The following CNTRL variants were observed in gnomAD, a reference collection of about 807,000 sequenced individuals.
CNTRL encodes the protein 110 kDa centrosomal protein.
CNTRL carries 233 observed loss-of-function variants against 303.7 expected under a neutral mutation model. The observed-to-expected ratio is 0.77, with a 90% confidence interval of 0.69 to 0.86. The LOEUF (loss-of-function observed/expected upper bound fraction) is 0.86. Among genes scored for constraint, CNTRL ranks in the 40% least tolerant of loss-of-function variants. CNTRL has a pLI of 0.00. For synonymous variants in CNTRL, 900 were observed against 922.2 expected, an observed-to-expected ratio of 0.98 and a Z score of 0.44; for missense variants, 2,524 against 2,650.6, an observed-to-expected ratio of 0.95 and a Z score of 1.05.
At chr9:121,123,863 T>G in intron 12 of CNTRL, 68 bp from the exon 13 acceptor site, 1 of 1,178,098 alleles carries the variant, frequency 8.5e-7, no homozygotes, top group Non-Finnish European at 1.2e-6. Flanking sequence ...AAAAATGTTG[T>G]TAAGGGTTAT....
rs10985171 is a variant in CNTRL, at chr9:121,174,878, A to G, written c.6748-140A>G. Reference sequence around the variant, plus strand: ...AAGTATCCACCTGGCACCTCCTACAATTCTTTTTAAAGATGAGCATTTTTG... The same window carrying G: ...AAGTATCCACCTGGCACCTCCTACAGTTCTTTTTAAAGATGAGCATTTTTG... On this transcript the variant is annotated intron_variant, in intron 42 of 43. Coordinates refer to ENST00000373855, the MANE Select transcript of CNTRL (RefSeq NM_007018.6). 28,038 of 749,882 alleles carry G rather than the reference A, an allele frequency of 0.037. 2,403 individuals carry two copies. The highest frequency in any genetic ancestry group is 0.22 in the African/African-American group (12,899 of 57,700). 46.5% of individuals were successfully genotyped at this position (749,882 alleles called of 1,614,324 possible).
intron 14 of CNTRL, among the ~76,000 whole-genome samples, chr9:121,134,355 A>G (rs2051058362): frequency 6.7e-6 from 1 of 148,446 alleles, no homozygotes; most frequent in African/African-American, 2.5e-5. Flanking sequence ...CAGTGGCATG[A>G]TCTTCGCTCA....
At chr9:121,122,931 C>T (rs140857309) in intron 12 of CNTRL, among the ~76,000 whole-genome samples, 317 of 152,116 alleles carry the variant, frequency 2.1e-3, no homozygotes, top group Non-Finnish European at 3.3e-3. Flanking sequence ...TGAGACTCAC[C>T]GGGCTAAGTG....
chr9:121,160,078 C>T, intron 31 of CNTRL, 65 bp from the exon 32 acceptor site: 1 of 1,184,910 alleles, frequency 8.4e-7, no homozygotes, highest in African/African-American at 1.6e-5. Flanking sequence ...AATAACAGAA[C>T]TTATTTTGAA....
chr9:121,145,957 G>C, intron 22 of CNTRL, 151 bp from the exon 23 acceptor site: 1 of 609,758 alleles, frequency 1.6e-6, no homozygotes, highest in Non-Finnish European at 2.8e-6. Flanking sequence ...TTACAAATCA[G>C]TTTGCCTTTT....
chr9:121,177,459 C>G lies in CNTRL; in HGVS notation c.*273C>G, dbSNP rs1024625285. The stretch of plus-strand genomic sequence containing the variant: ...TCTTCGTAACATGTTTAAAAAAAAA[C>G]AGTGATTTTAACTGCATATTTGAAC... On this transcript the variant is annotated 3_prime_UTR_variant, in exon 44 of 44. Coordinates refer to ENST00000373855, the MANE Select transcript of CNTRL (RefSeq NM_007018.6). 2.8e-6 allele frequency: 1 copy of G among 358,842 alleles called. No homozygotes were observed. The allele number at this position is 358,842 out of a possible 1,614,324, so 22.2% of individuals were successfully genotyped here.
intron 14 of CNTRL, among the ~76,000 whole-genome samples, chr9:121,133,910 A>G (rs888856571): frequency 6.6e-6 from 1 of 152,180 alleles, no homozygotes; most frequent in Non-Finnish European, 1.5e-5. Context: ...GAACAAGGAC[A>G]TTTTCTAACA....
At chr9:121,131,995 G>C (rs556639969) in intron 14 of CNTRL, among the ~76,000 whole-genome samples, 2 of 152,102 alleles carry the variant, frequency 1.3e-5, no homozygotes, top group Admixed American at 6.5e-5. Flanking sequence ...GTTTCTGAGA[G>C]ATCTGCTGTT....
At chr9:121,177,097 C>A in intron 43 of CNTRL, 66 bp from the exon 44 acceptor site, 1 of 1,289,470 alleles carries the variant, frequency 7.8e-7, no homozygotes, top group Non-Finnish European at 1.1e-6. Context: ...ATCATGCCAT[C>A]ACTTAGTTAA....
chr9:121,144,029 C>A lies in CNTRL; in HGVS notation c.2998C>A (p.Gln1000Lys), dbSNP rs373344449. 5.4e-5 allele frequency: 87 copies of A among 1,613,796 alleles called. No individual in the cohort carries two copies. The highest frequency in any genetic ancestry group is 7.2e-5 in the Non-Finnish European group (85 of 1,179,904). ...AGCTGAGCTCACCATTGCCAAAGAC[C>A]AGCTGAAGTCCCTTCATGGAACTGT... Reference protein sequence around the residue: ...ATAELTIAKDQLKSLHGTVMK... With the variant: ...ATAELTIAKDKLKSLHGTVMK... Residue 1000 changes from glutamine to lysine, a missense_variant, in exon 20 of 44, where the codon CAG becomes AAG. Physicochemically the swap from Gln to Lys is moderately conservative, Grantham distance 53. Coordinates refer to ENST00000373855, the MANE Select transcript of CNTRL (RefSeq NM_007018.6).
At chr9:121,083,103 A>C (rs2048210063) in intron 2 of CNTRL, among the ~76,000 whole-genome samples, 1 of 152,148 alleles carries the variant, frequency 6.6e-6, no homozygotes, top group Admixed American at 6.5e-5. Context: ...TTAGTCGGTG[A>C]GTGAATGTGA....
Position 121,169,809 on chromosome 9 carries a change from A to G in CNTRL, c.6269A>G (p.Asn2090Ser). 6.2e-7 allele frequency: 1 copy of G among 1,613,948 alleles called. No individual in the cohort carries two copies. Among genetic ancestry groups the G allele is most frequent in the Non-Finnish European group, 8.5e-7 (1 of 1,179,920 alleles). The change falls in exon 39 of 44, where the codon AAC (asparagine) becomes AGC (serine). Residue 2090 changes from asparagine (N) to serine (S), a missense_variant. Asn to Ser is a conservative substitution (Grantham distance 46). Transcript: ENST00000373855. ...ATCCAGCGGAGCCAGCTGGAGAAAAACCTTCTTGTGAGTACCTGCTGCCGT... is the reference window on the plus strand; with the variant it reads ...ATCCAGCGGAGCCAGCTGGAGAAAAGCCTTCTTGTGAGTACCTGCTGCCGT... ...LKIQRSQLEK[N>S]LLEQKQENSC...
Position 121,158,004 on chromosome 9 carries a change from CAT to C in CNTRL, c.4661_4662del (p.Ile1554ArgfsTer7). ...GTAGGCTTCAGAAACTACAGAAAGA[CAT>C]AGAGATGGCAGAACGCAATGAGGAT... ...TEELQKLQKD[I>X]EMAERNEDHH... On this transcript the variant is annotated frameshift_variant, in exon 30 of 44. Coordinates refer to ENST00000373855, the MANE Select transcript of CNTRL (RefSeq NM_007018.6). LOFTEE classifies it high-confidence loss of function. 1 of 1,614,054 alleles carries C rather than the reference CAT, an allele frequency of 6.2e-7. No individual in the cohort carries two copies. The highest frequency in any genetic ancestry group is 8.5e-7 in the Non-Finnish European group (1 of 1,180,016).
rs930362727 is a variant in CNTRL, at chr9:121,152,355, C to T, written c.3964-130C>T. The T allele has an allele frequency of 1.3e-5, 9 of 680,780 alleles. No homozygotes were observed. The South Asian group carries it at 1.5e-4, about 11-fold the overall frequency. The allele number at this position is 680,780 out of a possible 1,614,324, so 42.2% of individuals were successfully genotyped here. A position where few individuals can be genotyped will look rare whatever the true frequency, so the allele number is the denominator to read the frequency against. On this transcript the variant is annotated intron_variant, in intron 25 of 43. Transcript: ENST00000373855. ...GACATTTAACTTTTTATACCAAAGTCTTAGAATCTACCATCATTTTTTGGG... is the reference window on the plus strand; with the variant it reads ...GACATTTAACTTTTTATACCAAAGTTTTAGAATCTACCATCATTTTTTGGG...
chr9:121,150,358 A>G lies in CNTRL; in HGVS notation c.3838A>G (p.Thr1280Ala). 6.2e-7 allele frequency: 1 copy of G among 1,614,078 alleles called. No individual in the cohort carries two copies. The highest frequency in any genetic ancestry group is 8.5e-7 in the Non-Finnish European group (1 of 1,180,010). ...PNNSRPLTPGTVVYGPPPAGA... is the reference protein window; with the variant it reads ...PNNSRPLTPGAVVYGPPPAGA... ...CAATAGCCGACCTCTCACCCCTGGC[A>G]CTGTTGTTTATGGCCCACCTCCTGC... Residue 1280 changes from threonine (T) to alanine (A), a missense_variant, in exon 25 of 44, where the codon ACT (threonine) becomes GCT (alanine). Transcript: ENST00000373855.
intron 6 of CNTRL, among the ~76,000 whole-genome samples, chr9:121,096,901 G>A (rs2048916116): frequency 6.6e-6 from 1 of 151,768 alleles, no homozygotes; most frequent in African/African-American, 2.4e-5. Flanking sequence ...GACAGGTTAA[G>A]TCCCTTATCT....
intron 7 of CNTRL, among the ~76,000 whole-genome samples, chr9:121,107,254 A>G (rs1423387676): frequency 6.6e-6 from 1 of 152,170 alleles, no homozygotes; most frequent in Non-Finnish European, 1.5e-5. Flanking sequence ...ATAAAAGCCT[A>G]TAGGTGAGAA....
At chr9:121,082,796 C>G (rs1337918880) in intron 2 of CNTRL, among the ~76,000 whole-genome samples, 2 of 151,876 alleles carry the variant, frequency 1.3e-5, no homozygotes, top group Non-Finnish European at 2.9e-5. Flanking sequence ...ATGGTGAAAC[C>G]CCGTCTCTAC....
intron 34 of CNTRL, among the ~76,000 whole-genome samples, chr9:121,163,591 AT>A (rs1325481923): frequency 1.3e-5 from 2 of 152,058 alleles, no homozygotes; most frequent in Non-Finnish European, 1.5e-5. Flanking sequence ...TGGGAAAAAA[AT>A]ATTTGCAACC....
Sources: allele counts gnomAD v4.1 joint callset (sites outside exome capture counted in the v4.1 genomes callset), GRCh38; gene constraint gnomAD v4.1.1; transcripts MANE v1.5; gene names NCBI Gene and HGNC (gene_info 2026-07-23, HGNC 2026-07-21).